DUSP29: variants seen among roughly 807,000 people sequenced by gnomAD.
DUSP29 encodes the protein atypical dual-specific protein phosphatase.
DUSP29 carries 12 observed loss-of-function variants against 13.5 expected under a neutral mutation model. That is an observed-to-expected ratio of 0.89 (90% confidence interval 0.57 to 1.44). The LOEUF is 1.44. Ranked by LOEUF, DUSP29 falls within the 40% of genes most tolerant of loss-of-function variation. The pLI, the probability that DUSP29 is intolerant of heterozygous loss-of-function variation, is 0.00. For synonymous variants in DUSP29, 134 were observed against 128.7 expected, an observed-to-expected ratio of 1.04 and a Z score of -0.28; for missense variants, 308 against 301.1, an observed-to-expected ratio of 1.02 and a Z score of -0.17.
At chr10:75,063,596 G>A (rs1447053836) in intron 1 of DUSP29, among the ~76,000 whole-genome samples, 5 of 152,014 alleles carry the variant, frequency 3.3e-5, no homozygotes, top group Admixed American at 6.6e-5. Context: ...AGGCTGGCCC[G>A]TGTGTTGGAG....
chr10:75,069,779 C>T (rs575640115), intron 1 of DUSP29, among the ~76,000 whole-genome samples: 1 of 152,094 alleles, frequency 6.6e-6, no homozygotes, highest in South Asian at 2.1e-4. Flanking sequence ...CGGTGGTTCA[C>T]ACCTGTAATC....
intron 1 of DUSP29, among the ~76,000 whole-genome samples, chr10:75,060,363 A>G (rs1419827014): frequency 6.6e-6 from 1 of 151,472 alleles, no homozygotes; most frequent in Non-Finnish European, 1.5e-5. Context: ...CCAGCTACTC[A>G]GGAGGCTGAG....
intron 1 of DUSP29, among the ~76,000 whole-genome samples, chr10:75,067,297 G>C (rs1847226640): frequency 6.6e-6 from 1 of 152,132 alleles, no homozygotes; most frequent in Non-Finnish European, 1.5e-5. Context: ...AACAGGTATA[G>C]GGCCTTGGAA....
Position 75,071,332 on chromosome 10 carries a change from G to A in DUSP29, c.-35+2237C>T, listed in dbSNP as rs538757731. On this transcript the variant is annotated intron_variant, in intron 1 of 3. Coordinates refer to ENST00000338487, the MANE Select transcript of DUSP29 (RefSeq NM_001003892.3). Reference sequence around the variant, plus strand: ...CACAGGAAACACCGCCAGGCCTCGGGGCCGCAGTGTCTGGGGAAGGCTTGG... The same window carrying A: ...CACAGGAAACACCGCCAGGCCTCGGAGCCGCAGTGTCTGGGGAAGGCTTGG... Among the ~76,000 whole-genome samples the A allele has an allele frequency of 5.3e-5, 8 of 152,316 alleles. No individual in the cohort carries two copies. The South Asian group carries it at 1.7e-3, about 32-fold the overall frequency.
At chr10:75,067,118 C>A (rs1012194127) in intron 1 of DUSP29, among the ~76,000 whole-genome samples, 5 of 151,690 alleles carry the variant, frequency 3.3e-5, no homozygotes, top group African/African-American at 1.2e-4. Context: ...TGCCACCACA[C>A]CTGGCTAATT....
At chr10:75,068,842 T>A (rs1847259267) in intron 1 of DUSP29, among the ~76,000 whole-genome samples, 1 of 152,184 alleles carries the variant, frequency 6.6e-6, no homozygotes. Flanking sequence ...ACAAAAATGA[T>A]CCCAACTAGG....
chr10:75,044,405 C>G (rs753094838), intron 2 of DUSP29, among the ~76,000 whole-genome samples: 1 of 152,180 alleles, frequency 6.6e-6, no homozygotes, highest in South Asian at 2.1e-4. Context: ...CTCCCAACCT[C>G]TGCTCTGAAC....
chr10:75,048,398 CTT>C (rs549203411), intron 2 of DUSP29, among the ~76,000 whole-genome samples: 2 of 126,300 alleles, frequency 1.6e-5, no homozygotes, highest in Non-Finnish European at 1.7e-5. Flanking sequence ...CTTTTTTTTT[CTT>C]TTTTTTTTTT....
rs546673912 is a variant in DUSP29, at chr10:75,044,391, C to A, written c.201-374G>T. On this transcript the variant is annotated intron_variant, in intron 2 of 3. Coordinates refer to ENST00000338487, the MANE Select transcript of DUSP29 (RefSeq NM_001003892.3). Reference sequence around the variant, plus strand: ...CAGAATAACCTGTTCATCAGGGCTGCCTTCTCCCAACCTCTGCTCTGAACC... The same window carrying A: ...CAGAATAACCTGTTCATCAGGGCTGACTTCTCCCAACCTCTGCTCTGAACC... 6.6e-5 allele frequency among the ~76,000 whole-genome samples: 10 copies of A among 152,230 alleles called. No individual in the cohort carries two copies. The South Asian group carries it at 2.1e-3, about 32-fold the overall frequency.
intron 3 of DUSP29, among the ~76,000 whole-genome samples, chr10:75,040,134 C>T (rs1246252113): frequency 6.6e-6 from 1 of 152,000 alleles, no homozygotes; most frequent in Non-Finnish European, 1.5e-5. Context: ...GGAGATCACG[C>T]CACTGCACTC....
At chr10:75,063,042 G>A (rs1309771444) in intron 1 of DUSP29, among the ~76,000 whole-genome samples, 1 of 152,154 alleles carries the variant, frequency 6.6e-6, no homozygotes, top group Admixed American at 6.5e-5. Context: ...ATAACATAGA[G>A]GAAGGAAGTA....
At position 75,073,593 on chromosome 10, in the gene DUSP29, G is replaced by A. The variant is rs886183192; in HGVS notation, c.-59C>T. Among the ~76,000 whole-genome samples the A allele has an allele frequency of 2.6e-5, 4 of 152,190 alleles. No homozygotes were observed. The highest frequency in any genetic ancestry group is 4.4e-5 in the Non-Finnish European group (3 of 68,032). On this transcript the variant is annotated 5_prime_UTR_variant, in exon 1 of 4. It adds an upstream start codon to the 5' untranslated region. Transcript: ENST00000338487. ...CCTGGGTGTGCCGGGGCCTGGCCGC[G>A]TCGGGAGGTTCTGGTCCGTGGGGCA...
intron 1 of DUSP29, among the ~76,000 whole-genome samples, chr10:75,070,710 C>T (rs1847311048): frequency 6.6e-6 from 1 of 152,088 alleles, no homozygotes. Flanking sequence ...GAGATGGACT[C>T]ATGTGAGCCT....
chr10:75,043,740 G>A (rs1589857192), intron 3 of DUSP29, 57 bp downstream of exon 3: 9 of 1,476,606 alleles, frequency 6.1e-6, no homozygotes, highest in African/African-American at 4.2e-5. Context: ...CTACGGGCGG[G>A]GCGAGTCGGG....
In DUSP29 at chr10:75,070,408, A is replaced by G. The variant is rs764289544; in HGVS notation, c.-35+3161T>C. On this transcript the variant is annotated intron_variant, in intron 1 of 3. Transcript: ENST00000338487. Reference sequence around the variant, plus strand: ...CACACAGTCATGTAAATTTGCAGCAAGCAGCTCTTATGGGCCTTGGAATCT... The same window carrying G: ...CACACAGTCATGTAAATTTGCAGCAGGCAGCTCTTATGGGCCTTGGAATCT... Among the ~76,000 whole-genome samples the G allele has an allele frequency of 6.0e-4, 92 of 152,206 alleles. 1 individual carries two copies. The highest frequency in any genetic ancestry group is 1.6e-4 in the Non-Finnish European group (11 of 68,040).
chr10:75,057,333 C>A (rs1485449526), intron 2 of DUSP29, among the ~76,000 whole-genome samples: 1 of 152,044 alleles, frequency 6.6e-6, no homozygotes. Flanking sequence ...AGGGGTCCTA[C>A]AGCATCTGCA....
At chr10:75,056,502 CA>C (rs530173844) in intron 2 of DUSP29, among the ~76,000 whole-genome samples, 2,479 of 101,500 alleles carry the variant, frequency 0.024, 14 homozygotes, top group Admixed American at 0.033. Flanking sequence ...AGGGACATCT[CA>C]AAAAAAAAAA....
At chr10:75,070,449 G>C (rs751566578) in intron 1 of DUSP29, among the ~76,000 whole-genome samples, 4 of 152,114 alleles carry the variant, frequency 2.6e-5, no homozygotes, top group African/African-American at 9.7e-5. Flanking sequence ...CCTGGGCTTC[G>C]GCTTCCTCAT....
At chr10:75,063,690 C>T (rs566115579) in intron 1 of DUSP29, among the ~76,000 whole-genome samples, 7 of 151,996 alleles carry the variant, frequency 4.6e-5, no homozygotes, top group East Asian at 1.9e-4. Flanking sequence ...CATGCCACAC[C>T]GTGCTCCCGG....
Sources: gnomAD v4.1 joint callset for allele counts (sites outside exome capture counted in the v4.1 genomes callset) on GRCh38, gnomAD v4.1.1 for gene constraint, MANE v1.5 for transcripts, NCBI Gene and HGNC (gene_info 2026-07-23, HGNC 2026-07-21) for gene names.